C4BPA: variants seen among roughly 807,000 people sequenced by gnomAD.
The protein encoded by C4BPA is C4b-binding protein alpha chain.
C4BPA carries 31 observed loss-of-function variants against 63.7 expected under a neutral mutation model. The ratio of observed to expected loss-of-function variants is 0.49; its 90% confidence interval spans 0.37 to 0.66. The LOEUF is 0.66. Ranked by LOEUF, C4BPA falls within the 30% of genes least tolerant of loss-of-function variation. The probability of loss-of-function intolerance (pLI) is 0.00; values close to 1 mark genes in which losing one functional copy is unlikely to be tolerated. For missense variants in C4BPA, 572 were observed against 723.3 expected (o/e 0.79, Z 2.40); for synonymous variants, 259 against 254.7 (o/e 1.02, Z -0.16).
Position 207,124,427 on chromosome 1 carries a change from G to C in C4BPA, c.706+61G>C. 4 of 1,333,024 alleles carry C rather than the reference G, an allele frequency of 3.0e-6. No homozygotes were observed. The South Asian group carries it at 3.8e-5, about 13-fold the overall frequency. 82.6% of individuals were successfully genotyped at this position (1,333,024 alleles called of 1,614,324 possible). ...TGCTCTCTTTTGTTTAAAAGAGAAA[G>C]AAAGGTAAATTTATTGGGGGGCAAA... On this transcript the variant is annotated intron_variant, in intron 6 of 11. Transcript: ENST00000367070.
intron 9 of C4BPA, among the ~76,000 whole-genome samples, chr1:207,135,368 T>C (rs1164302608): frequency 3.3e-5 from 5 of 151,886 alleles, no homozygotes; most frequent in Non-Finnish European, 7.4e-5. Context: ...CAAGTGTTAA[T>C]GCATTCCACC....
chr1:207,124,133 G>A, intron 5 of C4BPA, 42 bp from the exon 6 acceptor site: 2 of 1,574,832 alleles, frequency 1.3e-6, no homozygotes, highest in Non-Finnish European at 1.7e-6. Context: ...TTATCATGAT[G>A]CCTTCGCTGA....
chr1:207,108,300 T>C (rs1468670888), intron 1 of C4BPA, among the ~76,000 whole-genome samples: 1 of 152,132 alleles, frequency 6.6e-6, no homozygotes, highest in Admixed American at 6.5e-5. Flanking sequence ...ATTTAAATAT[T>C]ATTCCAGAAA....
chr1:207,125,163 T>G (rs980823785), intron 6 of C4BPA, among the ~76,000 whole-genome samples: 1 of 152,220 alleles, frequency 6.6e-6, no homozygotes, highest in Non-Finnish European at 1.5e-5. Flanking sequence ...AGCAGGATAC[T>G]GCCAACAGTG....
intron 10 of C4BPA, among the ~76,000 whole-genome samples, chr1:207,141,659 A>G (rs544480526): frequency 2.0e-5 from 3 of 152,266 alleles, no homozygotes; most frequent in African/African-American, 7.2e-5. Context: ...ATCATGAGTG[A>G]CAGTTATTTC....
intron 4 of C4BPA, among the ~76,000 whole-genome samples, chr1:207,120,531 G>A (rs1244137828): frequency 6.6e-6 from 1 of 152,152 alleles, no homozygotes. Context: ...TTGAGAGGTT[G>A]AGGTGGGAAG....
At position 207,112,991 on chromosome 1, in the gene C4BPA, C is replaced by T; in HGVS notation, c.-25-10C>T. 1.3e-6 allele frequency: 2 copies of T among 1,550,350 alleles called. No individual in the cohort carries two copies. The highest frequency in any genetic ancestry group is 8.6e-7 in the Non-Finnish European group (1 of 1,156,936). On this transcript the variant is annotated splice_polypyrimidine_tract_variant and intron_variant, in intron 1 of 11. Coordinates refer to ENST00000367070, the MANE Select transcript of C4BPA (RefSeq NM_000715.4). ...CAATGACTATTTATTAAATTGAGTT[C>T]TTTCAGCAGAAAAACATCAGCGAAG...
chr1:207,115,373 G>A, intron 3 of C4BPA, 43 bp from the exon 4 acceptor site: 1 of 989,834 alleles, frequency 1.0e-6, no homozygotes, highest in South Asian at 1.5e-5. Flanking sequence ...CCATATCTGT[G>A]AGTACTTGGA....
In C4BPA at chr1:207,141,090, T is replaced by C. The variant is rs1228303668; in HGVS notation, c.1274-16T>C. The stretch of plus-strand genomic sequence containing the variant: ...TACAAACTAATGCTCTCTCACTTTT[T>C]TGTCTCTCCCTCAAGTTTGCAATTT... On this transcript the variant is annotated splice_polypyrimidine_tract_variant and intron_variant, in intron 9 of 11. Coordinates refer to ENST00000367070, the MANE Select transcript of C4BPA (RefSeq NM_000715.4). 5 of 1,601,640 alleles carry C rather than the reference T, an allele frequency of 3.1e-6. No homozygotes were observed. Among genetic ancestry groups the C allele is most frequent in the Non-Finnish European group, 4.3e-6 (5 of 1,172,452 alleles).
intron 1 of C4BPA, among the ~76,000 whole-genome samples, chr1:207,106,441 G>GTTTTTTTTTTTTTTTTTTTTTTTTTTTTT (rs757122192): frequency 3.4e-5 from 4 of 118,446 alleles, no homozygotes; most frequent in African/African-American, 1.5e-4. Flanking sequence ...CTCCGTGTAA[G>GTTTTTTTTTTTTTTTTTTTTTTTTTTTTT]TTTTTTTTTT....
chr1:207,140,735 C>A (rs1206817455), intron 9 of C4BPA, among the ~76,000 whole-genome samples: 1 of 152,136 alleles, frequency 6.6e-6, no homozygotes, highest in East Asian at 1.9e-4. Context: ...GATATAACAT[C>A]CTTACAGTTT....
chr1:207,125,377 C>T (rs1417475074), intron 6 of C4BPA, among the ~76,000 whole-genome samples: 2 of 152,178 alleles, frequency 1.3e-5, no homozygotes, highest in Non-Finnish European at 2.9e-5. Flanking sequence ...GGGACAACAA[C>T]CTGAAGTGGG....
At chr1:207,138,500 T>C (rs759208570) in intron 9 of C4BPA, among the ~76,000 whole-genome samples, 3 of 152,210 alleles carry the variant, frequency 2.0e-5, no homozygotes, top group African/African-American at 7.2e-5. Context: ...CTGCAGTGCA[T>C]GGCCTTGCTT....
At chr1:207,131,798 C>T in intron 8 of C4BPA, 58 bp downstream of exon 8, 1 of 1,134,386 alleles carries the variant, frequency 8.8e-7, no homozygotes, top group Non-Finnish European at 1.3e-6. Flanking sequence ...TGCTAGGATT[C>T]TCTACCTTAA....
intron 4 of C4BPA, among the ~76,000 whole-genome samples, chr1:207,123,485 G>A (rs990492949): frequency 6.6e-6 from 1 of 152,146 alleles, no homozygotes; most frequent in Admixed American, 6.5e-5. Flanking sequence ...ATCAAGAGCC[G>A]TAAAAATGGA....
At chr1:207,114,407 T>A in intron 3 of C4BPA, 122 bp downstream of exon 3, 1 of 676,000 alleles carries the variant, frequency 1.5e-6, no homozygotes, top group Non-Finnish European at 2.3e-6. Flanking sequence ...GATTTCAATG[T>A]ACATACTTGT....
chr1:207,143,342 G>T (rs1685461956), intron 10 of C4BPA, among the ~76,000 whole-genome samples: 1 of 151,966 alleles, frequency 6.6e-6, no homozygotes, highest in Non-Finnish European at 1.5e-5. Context: ...TCAGGGGGTG[G>T]GGGGCAAGGG....
In C4BPA at chr1:207,144,647, C is replaced by T. The variant is rs1685494704; in HGVS notation, c.1724C>T (p.Ser575Phe). 6.2e-7 allele frequency: 1 copy of T among 1,613,516 alleles called. No individual in the cohort carries two copies. The highest frequency in any genetic ancestry group is 8.5e-7 in the Non-Finnish European group (1 of 1,179,758). ...ATGGCCCTGGAGGTATATAAGCTGT[C>T]TCTGGAAATTGAACAACTGGAACTA... ...VKMALEVYKLSLEIEQLELQR... is the reference protein window; with the variant it reads ...VKMALEVYKLFLEIEQLELQR... The change falls in exon 12 of 12, where the codon TCT becomes TTT. Residue 575 changes from serine (S) to phenylalanine (F), a missense_variant. Ser to Phe is a radical substitution (Grantham distance 155). Around this residue, in one of 2 missense-constraint regions of C4BPA, gnomAD observed 465 missense variants for 629.4 expected, o/e 0.74. Transcript: ENST00000367070.
chr1:207,125,675 C>T (rs1248845281), intron 6 of C4BPA, among the ~76,000 whole-genome samples: 2 of 152,148 alleles, frequency 1.3e-5, no homozygotes, highest in African/African-American at 2.4e-5. Context: ...AGCAAGCAGA[C>T]ATTGAATCTG....
Sources: allele counts gnomAD v4.1 joint callset (sites outside exome capture counted in the v4.1 genomes callset), GRCh38; gene constraint gnomAD v4.1.1; regional missense constraint gnomAD v4.1.1; transcripts MANE v1.5; gene names NCBI Gene and HGNC (gene_info 2026-07-23, HGNC 2026-07-21).